Variants in ELMO1 observed in about 807,000 individuals in gnomAD.
ELMO1 encodes engulfment and cell motility 1.
Under a neutral mutation model 98.9 loss-of-function variants are expected in ELMO1, and 26 were observed. The ratio of observed to expected loss-of-function variants is 0.26; its 90% CI spans 0.19 to 0.36. The LOEUF is 0.36. ELMO1 is among the 10% of genes least tolerant of loss of function. The pLI is 1.00. For missense variants in ELMO1, 627 were observed against 935.2 expected, an observed-to-expected ratio of 0.67 and a Z score of 4.30; for synonymous variants, 346 against 346.0, an observed-to-expected ratio of 1.00 and a Z score of 0.00.
chr7:37,110,032 A>G (rs574661301), intron 14 of ELMO1, among the ~76,000 whole-genome samples: 1 of 152,274 alleles, frequency 6.6e-6, no homozygotes, highest in Non-Finnish European at 1.5e-5. Flanking sequence ...TCTGGGATGA[A>G]CCAGGTCCTC....
At chr7:37,437,046 C>T (rs1035480079) in intron 1 of ELMO1, among the ~76,000 whole-genome samples, 3 of 152,224 alleles carry the variant, frequency 2.0e-5, no homozygotes, top group South Asian at 2.1e-4. Flanking sequence ...AGGTTCCAAA[C>T]GATTGAAAAA....
At chr7:37,170,301 C>T (rs529587871) in intron 13 of ELMO1, among the ~76,000 whole-genome samples, 16 of 152,328 alleles carry the variant, frequency 1.1e-4, no homozygotes, top group Middle Eastern at 3.4e-3. Context: ...GGACAGCAGT[C>T]GCAAAGCAAT....
intron 4 of ELMO1, among the ~76,000 whole-genome samples, chr7:37,308,612 T>C (rs1325685445): frequency 6.6e-6 from 1 of 152,218 alleles, no homozygotes; most frequent in Non-Finnish European, 1.5e-5. Flanking sequence ...ATTTTGTCTG[T>C]GATTATCAGG....
rs148583711 is a variant in ELMO1, at chr7:37,199,437, G to A, written c.1086+11949C>T. On this transcript the variant is annotated intron_variant, in intron 13 of 21. Transcript: ENST00000310758. ...ATGATGCCACTGCACTCCAGCCTGG[G>A]CAAAAGAACAAGACCCTGTCTCAAA... 4.7e-3 allele frequency among the ~76,000 whole-genome samples: 710 copies of A among 152,258 alleles called. 8 individuals are homozygous for A. The highest frequency in any genetic ancestry group is 0.016 in the African/African-American group (680 of 41,526).
intron 21 of ELMO1, among the ~76,000 whole-genome samples, chr7:36,859,423 G>A (rs559300880): frequency 6.6e-6 from 1 of 152,326 alleles, no homozygotes; most frequent in Admixed American, 6.5e-5. Context: ...TGGCAGCTGG[G>A]TGATGGTGGA....
chr7:37,206,330 C>T (rs377756136), intron 13 of ELMO1, among the ~76,000 whole-genome samples: 17 of 152,134 alleles, frequency 1.1e-4, no homozygotes, highest in Admixed American at 5.2e-4. Flanking sequence ...TTGCCCAAGT[C>T]ACTCAGCCTG....
intron 13 of ELMO1, among the ~76,000 whole-genome samples, chr7:37,175,678 T>C (rs1790461059): frequency 6.6e-6 from 1 of 152,154 alleles, no homozygotes; most frequent in African/African-American, 2.4e-5. Flanking sequence ...AAACCTTGTC[T>C]CTACTAAACA....
chr7:37,267,944 G>T (rs1308276955), intron 5 of ELMO1, among the ~76,000 whole-genome samples: 1 of 151,944 alleles, frequency 6.6e-6, no homozygotes, highest in Non-Finnish European at 1.5e-5. Context: ...TTAATTTTTT[G>T]GTAGTCAAAT....
At chr7:37,325,534 C>T (rs1194650345) in intron 2 of ELMO1, among the ~76,000 whole-genome samples, 1 of 152,130 alleles carries the variant, frequency 6.6e-6, no homozygotes, top group African/African-American at 2.4e-5. Context: ...CAGCGATAGC[C>T]TCATGGCCCT....
chr7:36,999,035 C>A (rs73688445), intron 16 of ELMO1, among the ~76,000 whole-genome samples: 1 of 151,936 alleles, frequency 6.6e-6, no homozygotes, highest in Admixed American at 6.6e-5. Context: ...GAAATGATAA[C>A]GGACAGAGCC....
chr7:37,325,495 G>A (rs2392491), intron 2 of ELMO1, among the ~76,000 whole-genome samples: 9,495 of 152,134 alleles, frequency 0.062, 396 homozygotes, highest in Middle Eastern at 0.092. Context: ...AGCGGTCCCC[G>A]GTCCTCACTG....
intron 16 of ELMO1, among the ~76,000 whole-genome samples, chr7:36,917,506 A>T (rs974473008): frequency 6.6e-6 from 1 of 152,248 alleles, no homozygotes; most frequent in African/African-American, 2.4e-5. Context: ...AGAAGGAAAA[A>T]TCCAAATGGG....
intron 7 of ELMO1, among the ~76,000 whole-genome samples, chr7:37,235,284 T>A (rs1413940998): frequency 6.6e-6 from 1 of 151,544 alleles, no homozygotes; most frequent in African/African-American, 2.4e-5. Flanking sequence ...CTCAGGAAAA[T>A]AAGAGCCAGG....
At chr7:36,934,231 C>T (rs1359320258) in intron 16 of ELMO1, among the ~76,000 whole-genome samples, 1 of 152,234 alleles carries the variant, frequency 6.6e-6, no homozygotes, top group East Asian at 1.9e-4. Flanking sequence ...GCCAATTTAA[C>T]TCAGCCCTTC....
At chr7:37,430,169 T>C (rs1405755772) in intron 1 of ELMO1, among the ~76,000 whole-genome samples, 3 of 152,176 alleles carry the variant, frequency 2.0e-5, no homozygotes, top group African/African-American at 7.2e-5. Context: ...GGACCACCAG[T>C]TCCCGAAGAG....
intron 1 of ELMO1, among the ~76,000 whole-genome samples, chr7:37,415,040 C>T (rs1804154184): frequency 6.6e-6 from 1 of 152,184 alleles, no homozygotes; most frequent in Non-Finnish European, 1.5e-5. Context: ...TACACAAAAC[C>T]AAGTAATATC....
chr7:37,230,530 C>T (rs1794114714), intron 8 of ELMO1, among the ~76,000 whole-genome samples: 1 of 152,196 alleles, frequency 6.6e-6, no homozygotes, highest in Non-Finnish European at 1.5e-5. Context: ...CACTGCATCC[C>T]TGCCTCCTAA....
chr7:37,124,128 C>A (rs890336194), intron 14 of ELMO1, among the ~76,000 whole-genome samples: 1 of 152,102 alleles, frequency 6.6e-6, no homozygotes, highest in African/African-American at 2.4e-5. Context: ...ATTGATGGGA[C>A]GTATCTTAAA....
chr7:37,133,374 C>T lies in ELMO1; in HGVS notation c.1087-140G>A, dbSNP rs1036186810. 8.3e-6 allele frequency: 5 copies of T among 603,946 alleles called. 1 individual carries two copies. In the Admixed American group the frequency reaches 1.3e-4, roughly 16 times the overall value. 37.4% of individuals were successfully genotyped at this position (603,946 alleles called of 1,614,324 possible). On this transcript the variant is annotated intron_variant, in intron 13 of 21. Coordinates refer to ENST00000310758, the MANE Select transcript of ELMO1 (RefSeq NM_014800.11). ...CAAACATGATGACATTTTCTATCTCCATGTAAACCTACTGAGGTGGATGCA... is the reference window on the plus strand; with the variant it reads ...CAAACATGATGACATTTTCTATCTCTATGTAAACCTACTGAGGTGGATGCA...
Sources: gnomAD v4.1 joint callset for allele counts (sites outside exome capture counted in the v4.1 genomes callset) on GRCh38, gnomAD v4.1.1 for gene constraint, MANE v1.5 for transcripts, NCBI Gene and HGNC (gene_info 2026-07-23, HGNC 2026-07-21) for gene names.